The following NOL4 variants were observed in gnomAD, a reference collection of about 807,000 sequenced individuals.
The protein encoded by NOL4 is cancer/testis antigen 125.
Under a neutral mutation model 75.9 loss-of-function variants are expected in NOL4, and 17 were observed. The observed-to-expected ratio is 0.22, with a 90% CI of 0.15 to 0.34. NOL4 has a LOEUF of 0.34. Ranked by LOEUF, NOL4 falls within the 10% of genes least tolerant of loss-of-function variation. NOL4 has a pLI of 1.00. For missense variants in NOL4, 614 were observed against 793.5 expected (o/e 0.77, Z 2.72); for synonymous variants, 292 against 289.9 (o/e 1.01, Z -0.07).
rs931541370 is a variant in NOL4, at chr18:33,914,001, A to G, written c.1542+29064T>C. On this transcript the variant is annotated intron_variant, in intron 9 of 10. Transcript: ENST00000261592. ...AGTGTAGAGAATAAACATAGCACGA[A>G]GTGCCTTCTCTCAGAGGTTTGTCTT... Among the ~76,000 whole-genome samples the G allele has an allele frequency of 6.6e-5, 10 of 152,156 alleles. No individual in the cohort carries two copies. In the South Asian group the frequency reaches 8.3e-4, roughly 13 times the overall value.
chr18:33,882,204 T>C (rs1302201765), intron 10 of NOL4, among the ~76,000 whole-genome samples: 2 of 152,028 alleles, frequency 1.3e-5, no homozygotes, highest in African/African-American at 4.8e-5. Flanking sequence ...AGTTGACAAA[T>C]GGGATCTAAT....
rs115771142 is a variant in NOL4, at chr18:34,081,959, C to G, written c.772+11506G>C. 7.9e-3 allele frequency among the ~76,000 whole-genome samples: 1,196 copies of G among 152,124 alleles called. 19 individuals carry two copies. The highest frequency in any genetic ancestry group is 0.028 in the African/African-American group (1,156 of 41,496). ...CAGAACCAATACATTTCAATGGCTA[C>G]AAATAATATTTTAATTTCTTTATAA... is the stretch of plus-strand genomic sequence containing the variant. On this transcript the variant is annotated intron_variant, in intron 5 of 10. Coordinates refer to ENST00000261592, the MANE Select transcript of NOL4 (RefSeq NM_003787.5).
At chr18:34,162,341 C>A (rs953216157) in intron 1 of NOL4, among the ~76,000 whole-genome samples, 2 of 151,850 alleles carry the variant, frequency 1.3e-5, no homozygotes, top group African/African-American at 4.8e-5. Flanking sequence ...AGACCGCTAG[C>A]AAGACTAATA....
chr18:33,905,184 T>C (rs2065961545), intron 9 of NOL4, among the ~76,000 whole-genome samples: 1 of 152,294 alleles, frequency 6.6e-6, no homozygotes, highest in Admixed American at 6.5e-5. Flanking sequence ...GTAGGCACTG[T>C]ACTAACTTCT....
intron 9 of NOL4, among the ~76,000 whole-genome samples, chr18:33,912,699 A>C (rs1486999646): frequency 6.6e-6 from 1 of 152,100 alleles, no homozygotes; most frequent in Non-Finnish European, 1.5e-5. Context: ...AGTTTCTGAC[A>C]CAGAGCAAAT....
At chr18:34,107,433 ACTAT>A (rs773292936) in intron 2 of NOL4, among the ~76,000 whole-genome samples, 1 of 152,016 alleles carries the variant, frequency 6.6e-6, no homozygotes, top group Non-Finnish European at 1.5e-5. Context: ...TTGCCATGTC[ACTAT>A]CTATTACATA....
intron 8 of NOL4, among the ~76,000 whole-genome samples, chr18:33,951,459 A>T (rs576646997): frequency 1.5e-4 from 22 of 151,602 alleles, no homozygotes; most frequent in South Asian, 4.2e-4. Flanking sequence ...AGTTTTTTTA[A>T]AAAAAATGTA....
chr18:34,093,859 G>GA (rs1278999357), intron 4 of NOL4, among the ~76,000 whole-genome samples: 1 of 152,076 alleles, frequency 6.6e-6, no homozygotes, highest in African/African-American at 2.4e-5. Context: ...CTAACACGGT[G>GA]AAACCCCGTC....
At chr18:34,142,920 A>G (rs1371786151) in intron 1 of NOL4, among the ~76,000 whole-genome samples, 1 of 152,196 alleles carries the variant, frequency 6.6e-6, no homozygotes, top group East Asian at 1.9e-4. Context: ...ATAATCAAAA[A>G]TATTCAGGAA....
At chr18:34,122,437 G>A (rs1189435184) in intron 2 of NOL4, among the ~76,000 whole-genome samples, 1 of 152,104 alleles carries the variant, frequency 6.6e-6, no homozygotes, top group Non-Finnish European at 1.5e-5. Flanking sequence ...CTGATTAAGA[G>A]GGGGAAAAAA....
At chr18:34,059,541 G>A (rs1017737999) in intron 5 of NOL4, among the ~76,000 whole-genome samples, 44 of 152,090 alleles carry the variant, frequency 2.9e-4, no homozygotes, top group Admixed American at 1.3e-4. Flanking sequence ...GGTTTCCACA[G>A]TACCTTGTGT....
intron 10 of NOL4, among the ~76,000 whole-genome samples, chr18:33,866,681 C>A (rs2063443727): frequency 6.6e-6 from 1 of 152,100 alleles, no homozygotes; most frequent in Non-Finnish European, 1.5e-5. Flanking sequence ...AGTGTCCCAG[C>A]AGTTTTAGAA....
chr18:33,991,144 G>T (rs1488048821), intron 6 of NOL4, among the ~76,000 whole-genome samples: 1 of 151,598 alleles, frequency 6.6e-6, no homozygotes, highest in African/African-American at 2.4e-5. Context: ...TCCTCTCACC[G>T]ATATCCACAA....
At chr18:34,152,036 C>T (rs192632362) in intron 1 of NOL4, among the ~76,000 whole-genome samples, 105 of 151,724 alleles carry the variant, frequency 6.9e-4, no homozygotes, top group African/African-American at 2.3e-3. Flanking sequence ...AATATAATAA[C>T]GAAATCTTTG....
chr18:34,001,742 G>T (rs2055642960), intron 6 of NOL4: 1 of 152,614 alleles, frequency 6.6e-6, no homozygotes, highest in African/African-American at 2.4e-5. Context: ...AAGGAATAAA[G>T]AAATCTGTAA....
chr18:33,856,960 G>T (rs2062865234), intron 10 of NOL4, among the ~76,000 whole-genome samples: 1 of 151,944 alleles, frequency 6.6e-6, no homozygotes, highest in Non-Finnish European at 1.5e-5. Context: ...ATCTATTAAT[G>T]AAGATTTGTA....
rs60755450 is a variant in NOL4, at chr18:34,203,717, T to TCACACACACA, written c.264+19263_264+19272dup. ...CTCTCTCTCTCTCTCTCTCTCTCTC[T>TCACACACACA]CACACACACACACACACACACACAC... On this transcript the variant is annotated intron_variant, in intron 1 of 10. Transcript: ENST00000261592. Among the ~76,000 whole-genome samples the TCACACACACA allele has an allele frequency of 9.5e-3, 687 of 72,280 alleles. 13 individuals are homozygous for TCACACACACA. The highest frequency in any genetic ancestry group is 0.039 in the East Asian group (78 of 1,976). 47.4% of individuals were successfully genotyped at this position (72,280 alleles called of 152,430 possible). A position where few individuals can be genotyped will look rare whatever the true frequency, so the allele number is the denominator to read the frequency against.
At chr18:34,068,836 T>G (rs1430773818) in intron 5 of NOL4, among the ~76,000 whole-genome samples, 1 of 152,174 alleles carries the variant, frequency 6.6e-6, no homozygotes, top group African/African-American at 2.4e-5. Context: ...TTTAAAAAGC[T>G]ATGTCTGGGA....
chr18:34,064,594 T>TA (rs1230315548), intron 5 of NOL4, among the ~76,000 whole-genome samples: 1 of 151,970 alleles, frequency 6.6e-6, no homozygotes, highest in Non-Finnish European at 1.5e-5. Context: ...AGTTATGAAA[T>TA]ACCAATTTAT....
Sources: gnomAD v4.1 joint callset for allele counts (sites outside exome capture counted in the v4.1 genomes callset) on GRCh38, gnomAD v4.1.1 for gene constraint, MANE v1.5 for transcripts, NCBI Gene and HGNC (gene_info 2026-07-23, HGNC 2026-07-21) for gene names.